ZC3H12C: variants seen among roughly 807,000 people sequenced by gnomAD.
The protein encoded by ZC3H12C is probable ribonuclease ZC3H12C.
A neutral mutation model predicts 76.3 loss-of-function variants in ZC3H12C; 20 were observed. The observed-to-expected ratio is 0.26, with a 90% CI of 0.18 to 0.38. ZC3H12C has a LOEUF of 0.38. ZC3H12C is among the 10% of genes least tolerant of loss of function. ZC3H12C has a pLI of 1.00. For synonymous variants in ZC3H12C, 352 were observed against 399.6 expected, an observed-to-expected ratio of 0.88 and a Z score of 1.42; for missense variants, 874 against 1,086.5, an observed-to-expected ratio of 0.80 and a Z score of 2.75.
chr11:110,141,404 A>T (rs912341568), intron 2 of ZC3H12C, among the ~76,000 whole-genome samples: 2 of 152,330 alleles, frequency 1.3e-5, no homozygotes, highest in African/African-American at 4.8e-5. Flanking sequence ...AGCCTTTCTT[A>T]TATCTAATCT....
chr11:110,144,037 A>G (rs1433988579), intron 2 of ZC3H12C, among the ~76,000 whole-genome samples: 2 of 135,204 alleles, frequency 1.5e-5, no homozygotes, highest in Non-Finnish European at 3.1e-5. Flanking sequence ...ATAAAAGATG[A>G]TATATAGAAG....
chr11:110,130,909 C>A, intron 1 of ZC3H12C: 1 of 954,264 alleles, frequency 1.0e-6, no homozygotes, highest in Non-Finnish European at 1.5e-6. Context: ...TCTGCCCGGC[C>A]AACTAATTGT....
intron 1 of ZC3H12C, among the ~76,000 whole-genome samples, chr11:110,133,218 A>C (rs886332991): frequency 1.3e-5 from 2 of 152,174 alleles, no homozygotes. Context: ...CTAGAGATCA[A>C]AGTTTTAAAA....
intron 1 of ZC3H12C, among the ~76,000 whole-genome samples, chr11:110,098,825 A>G (rs73549263): frequency 0.033 from 5,100 of 152,336 alleles, 169 homozygotes; most frequent in East Asian, 0.087. Flanking sequence ...GTTTGCACAA[A>G]GAGGAAATAG....
intron 1 of ZC3H12C, among the ~76,000 whole-genome samples, chr11:110,103,984 C>T (rs1408366347): frequency 6.7e-6 from 1 of 149,956 alleles, no homozygotes; most frequent in Non-Finnish European, 1.5e-5. Context: ...TAGGGGGCAA[C>T]AGGAAACAAT....
chr11:110,165,848 T>C lies in ZC3H12C; in HGVS notation c.*111T>C, dbSNP rs1862575112. The C allele has an allele frequency of 6.9e-6, 7 of 1,008,932 alleles. No homozygotes were observed. In the South Asian group the frequency reaches 8.5e-5, roughly 12 times the overall value. 62.5% of individuals were successfully genotyped at this position (1,008,932 alleles called of 1,614,324 possible). A position where few individuals can be genotyped will look rare whatever the true frequency, so the allele number is the denominator to read the frequency against. ...CCTTCTCAGCAAGGAGGTTATATAG[T>C]ATCCATTTATGTGAAATACTGTATC... On this transcript the variant is annotated 3_prime_UTR_variant, in exon 6 of 6. Coordinates refer to ENST00000278590, the MANE Select transcript of ZC3H12C (RefSeq NM_033390.2).
At chr11:110,098,350 T>C (rs1861151487) in intron 1 of ZC3H12C, among the ~76,000 whole-genome samples, 1 of 152,236 alleles carries the variant, frequency 6.6e-6, no homozygotes, top group Admixed American at 6.5e-5. Context: ...AGCCAAGTGT[T>C]ATTATAAAAC....
chr11:110,147,621 AAAAAAAAAAAG>A (rs1274771105), intron 2 of ZC3H12C, among the ~76,000 whole-genome samples: 2 of 67,950 alleles, frequency 2.9e-5, no homozygotes, highest in Non-Finnish European at 5.4e-5. Flanking sequence ...AGTAAAATTA[AAAAAAAAAAAG>A]AAAAGAAAAG....
chr11:110,127,444 T>A (rs1323255032), intron 1 of ZC3H12C, among the ~76,000 whole-genome samples: 2 of 152,226 alleles, frequency 1.3e-5, no homozygotes, highest in Non-Finnish European at 2.9e-5. Context: ...ACTATGTGTG[T>A]GAATTAGCTT....
intron 5 of ZC3H12C, 79 bp downstream of exon 5, chr11:110,163,458 C>T: frequency 8.1e-7 from 1 of 1,232,110 alleles, no homozygotes; most frequent in Non-Finnish European, 1.1e-6. Flanking sequence ...AAAATGAACA[C>T]TTAAAATTTT....
intron 4 of ZC3H12C, among the ~76,000 whole-genome samples, chr11:110,163,067 T>G (rs1242455888): frequency 1.3e-5 from 2 of 152,242 alleles, no homozygotes; most frequent in Non-Finnish European, 2.9e-5. Flanking sequence ...ACAAATACAA[T>G]TTCAGCTCAA....
intron 1 of ZC3H12C, among the ~76,000 whole-genome samples, chr11:110,132,013 A>C (rs1211638597): frequency 6.6e-6 from 1 of 152,182 alleles, no homozygotes; most frequent in Non-Finnish European, 1.5e-5. Flanking sequence ...CACTCACTCA[A>C]ATACAATGGT....
At chr11:110,116,800 T>A (rs906869774) in intron 1 of ZC3H12C, among the ~76,000 whole-genome samples, 1 of 152,218 alleles carries the variant, frequency 6.6e-6, no homozygotes, top group African/African-American at 2.4e-5. Context: ...CATTTTATAT[T>A]TGAGGAAAAT....
At chr11:110,149,484 C>T (rs1184224789) in intron 2 of ZC3H12C, among the ~76,000 whole-genome samples, 1 of 152,180 alleles carries the variant, frequency 6.6e-6, no homozygotes, top group Non-Finnish European at 1.5e-5. Context: ...TGCCAAATTG[C>T]TCTCCCAAAT....
intron 1 of ZC3H12C, among the ~76,000 whole-genome samples, chr11:110,115,334 G>A (rs921337469): frequency 2.5e-4 from 38 of 151,064 alleles, no homozygotes; most frequent in Non-Finnish European, 5.0e-4. Flanking sequence ...ACAGAGTCTC[G>A]CTCTATCACC....
At chr11:110,150,593 C>T (rs1445427742) in intron 2 of ZC3H12C, among the ~76,000 whole-genome samples, 10 of 152,070 alleles carry the variant, frequency 6.6e-5, no homozygotes, top group African/African-American at 2.4e-4. Flanking sequence ...TGACCTAGTA[C>T]ATAGCCAATT....
rs147914791 is a variant in ZC3H12C at position 110,110,159 on chromosome 11, G to A, written c.21+16727G>A. Reference sequence around the variant, plus strand: ...CTCATTATTTAAGGCCTGTGGATAGGAGAAATAAAACTTCTGCTTGTCAGG... The same window carrying A: ...CTCATTATTTAAGGCCTGTGGATAGAAGAAATAAAACTTCTGCTTGTCAGG... On this transcript the variant is annotated intron_variant, in intron 1 of 5. Transcript: ENST00000278590. 3.1e-3 allele frequency among the ~76,000 whole-genome samples: 478 copies of A among 152,246 alleles called. 1 individual carries two copies. Among genetic ancestry groups the A allele is most frequent in the African/African-American group, 0.01 (434 of 41,546 alleles).
chr11:110,101,547 ATT>A (rs71476066), intron 1 of ZC3H12C, among the ~76,000 whole-genome samples: 37,579 of 135,288 alleles, frequency 0.28, 4,885 homozygotes, highest in Middle Eastern at 0.37. Flanking sequence ...AATCAATGCT[ATT>A]TTTTTTTTTT....
At chr11:110,143,645 G>T (rs1044943887) in intron 2 of ZC3H12C, among the ~76,000 whole-genome samples, 1 of 151,964 alleles carries the variant, frequency 6.6e-6, no homozygotes, top group African/African-American at 2.4e-5. Context: ...AGTTTAAAAA[G>T]ATTATTTTTA....
Sources: allele counts gnomAD v4.1 joint callset (sites outside exome capture counted in the v4.1 genomes callset), GRCh38; gene constraint gnomAD v4.1.1; transcripts MANE v1.5; gene names NCBI Gene and HGNC (gene_info 2026-07-23, HGNC 2026-07-21).